The following PIEZO2 variants were observed in gnomAD, a reference collection of about 807,000 sequenced individuals.
PIEZO2 encodes piezo-type mechanosensitive ion channel component 2.
In PIEZO2, 172 loss-of-function variants were observed where a neutral mutation model predicts 337.3. The observed-to-expected ratio is 0.51, with a 90% CI of 0.45 to 0.58. PIEZO2 has a LOEUF of 0.58. Ranked by LOEUF, PIEZO2 falls within the 20% of genes least tolerant of loss-of-function variation. The pLI is 0.00. For synonymous variants in PIEZO2, 1,251 were observed against 1,228.5 expected (o/e 1.02, Z -0.38); for missense variants, 3,028 against 3,391.3 (o/e 0.89, Z 2.66).
intron 47 of PIEZO2, 95 bp from the exon 48 acceptor site, chr18:10,691,478 T>C (rs2034824635): frequency 1.6e-6 from 2 of 1,278,240 alleles, no homozygotes; most frequent in African/African-American, 1.5e-5. Flanking sequence ...CAACAGAATT[T>C]CCCCTTCATC....
chr18:10,721,429 A>G (rs1341294838), intron 36 of PIEZO2, among the ~76,000 whole-genome samples: 3 of 152,180 alleles, frequency 2.0e-5, no homozygotes, highest in African/African-American at 7.2e-5. Context: ...GCTGTCTTTG[A>G]TTGGTAGGTT....
intron 1 of PIEZO2, among the ~76,000 whole-genome samples, chr18:11,100,865 G>A (rs1210006878): frequency 6.6e-6 from 1 of 152,146 alleles, no homozygotes; most frequent in Non-Finnish European, 1.5e-5. Context: ...AAAGTGCTGG[G>A]ATTACAGGCA....
At chr18:10,948,365 T>TA (rs1204207195) in intron 3 of PIEZO2, among the ~76,000 whole-genome samples, 1 of 152,206 alleles carries the variant, frequency 6.6e-6, no homozygotes. Context: ...TTAGAAGACT[T>TA]ACTAAAGGGT....
chr18:10,875,889 C>T (rs1281922226), intron 4 of PIEZO2, among the ~76,000 whole-genome samples: 3 of 152,216 alleles, frequency 2.0e-5, no homozygotes, highest in Non-Finnish European at 2.9e-5. Context: ...AATTACTCCA[C>T]CTGCTGTGAT....
chr18:11,038,668 C>T lies in PIEZO2; in HGVS notation c.160+27459G>A, dbSNP rs1005699951. Reference sequence around the variant, plus strand: ...CCAGAAACGTGGCTTCCTCTACTGGCCCTACCACTTGCTTAATAAGTGTTC... The same window carrying T: ...CCAGAAACGTGGCTTCCTCTACTGGTCCTACCACTTGCTTAATAAGTGTTC... On this transcript the variant is annotated intron_variant, in intron 2 of 55. Coordinates refer to ENST00000674853, the MANE Select transcript of PIEZO2 (RefSeq NM_001378183.1). This position sits in a 1 kb window ranked among gnomAD's most constrained non-coding sequence, Gnocchi z 4.1. Among the ~76,000 whole-genome samples, 6 of 152,156 alleles carry T rather than the reference C, an allele frequency of 3.9e-5. No individual in the cohort carries two copies. Among genetic ancestry groups the T allele is most frequent in the African/African-American group, 1.2e-4 (5 of 41,430 alleles).
rs1202462406 is a variant in PIEZO2, at chr18:11,032,140, A to C, written c.160+33987T>G. Among the ~76,000 whole-genome samples the C allele has an allele frequency of 6.6e-6, 1 of 152,228 alleles. No individual in the cohort carries two copies. The highest frequency in any genetic ancestry group is 1.5e-5 in the Non-Finnish European group (1 of 68,034). On this transcript the variant is annotated intron_variant, in intron 2 of 55. Coordinates refer to ENST00000674853, the MANE Select transcript of PIEZO2 (RefSeq NM_001378183.1). This position sits in a 1 kb window ranked among gnomAD's most constrained non-coding sequence, Gnocchi z 4.9. ...TGCTATTTGAATTGAGTAACAAACT[A>C]TGAAGTGAAATTCTGCTGAATGGCA...
Position 11,109,188 on chromosome 18 carries a change from T to C in PIEZO2, c.64+39337A>G, listed in dbSNP as rs2039659643. ...CACACATCTTGACAACTCCACCACG[T>C]CCATAACCTCATGGAAGTGCAGCTG... On this transcript the variant is annotated intron_variant, in intron 1 of 55. Coordinates refer to ENST00000674853, the MANE Select transcript of PIEZO2 (RefSeq NM_001378183.1). This position sits in a 1 kb window ranked among gnomAD's most constrained non-coding sequence, Gnocchi z 5.1. Among the ~76,000 whole-genome samples, 1 of 152,154 alleles carries C rather than the reference T, an allele frequency of 6.6e-6. No individual in the cohort carries two copies. The highest frequency in any genetic ancestry group is 2.1e-4 in the South Asian group (1 of 4,826).
intron 21 of PIEZO2, among the ~76,000 whole-genome samples, chr18:10,764,928 G>A (rs2038289751): frequency 6.6e-6 from 1 of 152,188 alleles, no homozygotes; most frequent in African/African-American, 2.4e-5. Flanking sequence ...ATATTAAAAA[G>A]CAAACCCTAT....
At position 11,143,623 on chromosome 18, in the gene PIEZO2, ACACACACACACACACACTCTCTCT is replaced by A. The variant is rs1316136940; in HGVS notation, c.64+4878_64+4901del. Among the ~76,000 whole-genome samples the A allele has an allele frequency of 2.9e-4, 42 of 143,088 alleles. No homozygotes were observed. The highest frequency in any genetic ancestry group is 1.2e-3 in the African/African-American group (42 of 35,532). The allele number at this position is 143,088 out of a possible 152,430, so 93.9% of individuals were successfully genotyped here. A position where few individuals can be genotyped will look rare whatever the true frequency, so the allele number is the denominator to read the frequency against. The stretch of plus-strand genomic sequence containing the variant: ...CTAACACACACACACACACACACAC[ACACACACACACACACACTCTCTCT>A]CTCTCTCTCTCTCTCTCTCTCTCTC... On this transcript the variant is annotated intron_variant, in intron 1 of 55. Coordinates refer to ENST00000674853, the MANE Select transcript of PIEZO2 (RefSeq NM_001378183.1). The surrounding 1 kb of genome is among the most constrained non-coding windows in gnomAD (Gnocchi z 4.9).
chr18:10,932,867 T>A (rs746936547), intron 3 of PIEZO2, among the ~76,000 whole-genome samples: 1 of 151,660 alleles, frequency 6.6e-6, no homozygotes, highest in Non-Finnish European at 1.5e-5. Context: ...GAGGCTGCAG[T>A]GAGCTAAGAT....
chr18:10,904,523 C>T (rs1020898732), intron 4 of PIEZO2, among the ~76,000 whole-genome samples: 2 of 152,172 alleles, frequency 1.3e-5, no homozygotes, highest in Non-Finnish European at 2.9e-5. Context: ...GTGGGAGGAG[C>T]GTGCTTCTGT....
intron 4 of PIEZO2, among the ~76,000 whole-genome samples, chr18:10,906,112 T>C (rs558599981): frequency 3.2e-4 from 48 of 152,300 alleles, no homozygotes; most frequent in African/African-American, 1.1e-3. Flanking sequence ...CTAGGCCTTT[T>C]GAATTATGTC....
rs556855107 is a variant in PIEZO2 at position 10,707,157 on chromosome 18, A to T, written c.5588+1118T>A. ...TTTTGCTAAGACTTACCTCAATTAGATATACTTCCTAGGAGGGCCATGCCA... is the reference window on the plus strand; with the variant it reads ...TTTTGCTAAGACTTACCTCAATTAGTTATACTTCCTAGGAGGGCCATGCCA... On this transcript the variant is annotated intron_variant, in intron 40 of 55. Coordinates refer to ENST00000674853, the MANE Select transcript of PIEZO2 (RefSeq NM_001378183.1). The surrounding 1 kb of genome is among the most constrained non-coding windows in gnomAD (Gnocchi z 4.2). 1.2e-4 allele frequency among the ~76,000 whole-genome samples: 18 copies of T among 152,034 alleles called. 1 individual carries two copies. In the South Asian group the frequency reaches 3.3e-3, roughly 28 times the overall value.
At chr18:10,882,426 T>C (rs1489527328) in intron 4 of PIEZO2, among the ~76,000 whole-genome samples, 1 of 152,226 alleles carries the variant, frequency 6.6e-6, no homozygotes, top group Non-Finnish European at 1.5e-5. Context: ...CAACTAGTAA[T>C]ATTTCAAAAA....
At chr18:10,744,094 CA>C in intron 31 of PIEZO2, 47 bp downstream of exon 31, 3 of 1,345,912 alleles carry the variant, frequency 2.2e-6, no homozygotes, top group Non-Finnish European at 1.0e-6. Flanking sequence ...TGAATGTGGT[CA>C]CACAATCAGA....
In PIEZO2 at chr18:10,952,530, A is replaced by G. The variant is rs572963782; in HGVS notation, c.286+27005T>C. On this transcript the variant is annotated intron_variant, in intron 3 of 55. Transcript: ENST00000674853. The surrounding 1 kb of genome is among the most constrained non-coding windows in gnomAD (Gnocchi z 4.1). ...TAATGCTGAATTGAGATGCTCTTGC[A>G]TGTACCCATAGTTTGTTGCTTTCTA... 7.0e-4 allele frequency among the ~76,000 whole-genome samples: 106 copies of G among 152,356 alleles called. No homozygotes were observed. Among genetic ancestry groups the G allele is most frequent in the Non-Finnish European group, 1.2e-3 (84 of 68,038 alleles).
At chr18:10,916,770 G>C (rs2031010021) in intron 3 of PIEZO2, among the ~76,000 whole-genome samples, 1 of 152,160 alleles carries the variant, frequency 6.6e-6, no homozygotes, top group South Asian at 2.1e-4. Flanking sequence ...AGCATTGCCA[G>C]AGCGGGCCCC....
chr18:11,000,515 G>C (rs1348786981), intron 2 of PIEZO2, among the ~76,000 whole-genome samples: 1 of 152,146 alleles, frequency 6.6e-6, no homozygotes, highest in Non-Finnish European at 1.5e-5. Flanking sequence ...TCAGGGACAA[G>C]GGAAGAGGAC....
chr18:10,800,203 A>C, intron 11 of PIEZO2, 134 bp downstream of exon 11: 1 of 1,249,852 alleles, frequency 8.0e-7, no homozygotes, highest in Non-Finnish European at 1.1e-6. Flanking sequence ...GGCAGAACTT[A>C]AAGAAGTGAG....
Sources: gnomAD v4.1 joint callset for allele counts (sites outside exome capture counted in the v4.1 genomes callset) on GRCh38, gnomAD v4.1.1 for gene constraint, Gnocchi (gnomAD v3.1) non-coding constraint, MANE v1.5 for transcripts, NCBI Gene and HGNC (gene_info 2026-07-23, HGNC 2026-07-21) for gene names.